The following UHMK1 variants were observed in gnomAD, a reference collection of about 807,000 sequenced individuals.
UHMK1 encodes serine/threonine-protein kinase Kist.
In UHMK1, 18 loss-of-function variants were observed where a neutral mutation model predicts 44.0. The ratio of observed to expected loss-of-function variants is 0.41; its 90% CI spans 0.28 to 0.61. The LOEUF is 0.61. Among genes scored for constraint, UHMK1 ranks in the 20% least tolerant of loss-of-function variants. UHMK1 has a pLI of 0.31. For synonymous variants in UHMK1, 231 were observed against 198.5 expected, an observed-to-expected ratio of 1.16 and a Z score of -1.38; for missense variants, 463 against 522.5, an observed-to-expected ratio of 0.89 and a Z score of 1.11.
intron 6 of UHMK1, among the ~76,000 whole-genome samples, chr1:162,514,822 T>C (rs912155780): frequency 6.6e-6 from 1 of 152,224 alleles, no homozygotes; most frequent in Non-Finnish European, 1.5e-5. Context: ...GAATACCTCC[T>C]GTACTCACTG....
rs1652265359 is a variant in UHMK1, at chr1:162,526,755, A to G, written c.*4205A>G. ...TGTAAAACTATTCATATTTGATTTT[A>G]TTCCAATATTATATATGATGGAAAA... is the stretch of plus-strand genomic sequence containing the variant. On this transcript the variant is annotated 3_prime_UTR_variant, in exon 8 of 8. Transcript: ENST00000489294. 1.3e-5 allele frequency: 2 copies of G among 152,086 alleles called. No homozygotes were observed. 9.4% of individuals were successfully genotyped at this position (152,086 alleles called of 1,614,324 possible).
chr1:162,506,003 T>C (rs1042750453), intron 4 of UHMK1, among the ~76,000 whole-genome samples: 1 of 152,156 alleles, frequency 6.6e-6, no homozygotes, highest in Non-Finnish European at 1.5e-5. Context: ...ATCCACATGA[T>C]TTATTCCTAT....
chr1:162,504,290 T>C (rs1651386426), intron 4 of UHMK1, among the ~76,000 whole-genome samples: 1 of 152,246 alleles, frequency 6.6e-6, no homozygotes, highest in Non-Finnish European at 1.5e-5. Context: ...TTCTGATATC[T>C]GAATAGATCC....
At chr1:162,498,342 G>T in intron 1 of UHMK1, 74 bp downstream of exon 1, 1 of 1,493,226 alleles carries the variant, frequency 6.7e-7, no homozygotes, top group Non-Finnish European at 9.0e-7. Context: ...GCTGTCTGGC[G>T]TTCCATCTTC....
At position 162,505,978 on chromosome 1, in the gene UHMK1, A is replaced by G. The variant is rs374109532; in HGVS notation, c.848+2130A>G. On this transcript the variant is annotated intron_variant, in intron 4 of 7. Coordinates refer to ENST00000489294, the MANE Select transcript of UHMK1 (RefSeq NM_175866.5). ...GTATATACAGTATCAAAACCAGTAA[A>G]TTGAAATAGGTATAATCCACATGAT... is the stretch of plus-strand genomic sequence containing the variant. Among the ~76,000 whole-genome samples the G allele has an allele frequency of 2.0e-5, 3 of 152,226 alleles. No individual in the cohort carries two copies. In the East Asian group the frequency reaches 5.8e-4, roughly 29 times the overall value.
At chr1:162,504,511 G>A (rs905881441) in intron 4 of UHMK1, among the ~76,000 whole-genome samples, 1 of 152,132 alleles carries the variant, frequency 6.6e-6, no homozygotes, top group Non-Finnish European at 1.5e-5. Flanking sequence ...GCGTGTTACT[G>A]TACCAAATAC....
intron 3 of UHMK1, 141 bp downstream of exon 3, chr1:162,501,245 C>T (rs910788811): frequency 3.8e-6 from 3 of 782,808 alleles, no homozygotes; most frequent in African/African-American, 3.5e-5. Flanking sequence ...TCTCAGCTCA[C>T]TGCAACCTCC....
intron 3 of UHMK1, 66 bp downstream of exon 3, chr1:162,501,170 G>T: frequency 3.8e-6 from 5 of 1,303,802 alleles, no homozygotes; most frequent in Admixed American, 2.5e-5. Flanking sequence ...AATTTATGAT[G>T]ATTTTTTTTT....
At chr1:162,520,204 C>T (rs796112947) in intron 7 of UHMK1, among the ~76,000 whole-genome samples, 59 of 152,292 alleles carry the variant, frequency 3.9e-4, no homozygotes, top group African/African-American at 1.3e-3. Flanking sequence ...ATAATTTTAT[C>T]TTAATAGCTT....
intron 3 of UHMK1, 141 bp from the exon 4 acceptor site, chr1:162,503,611 CAA>C (rs33964112): frequency 0.34 from 121,974 of 354,634 alleles, 9,403 homozygotes; most frequent in Admixed American, 0.4. Context: ...ACCCTGTCTC[CAA>C]AAAAAAAAAA....
At position 162,524,104 on chromosome 1, in the gene UHMK1, A is replaced by AT; in HGVS notation, c.*1560dup. 6.6e-6 allele frequency: 1 copy of AT among 151,510 alleles called. No individual in the cohort carries two copies. Among genetic ancestry groups the AT allele is most frequent in the East Asian group, 1.9e-4 (1 of 5,184 alleles). The allele number at this position is 151,510 out of a possible 1,614,324, so 9.4% of individuals were successfully genotyped here. Reference sequence around the variant, plus strand: ...AGGTTATTAATTTTTTTATTTATTTATTTTTTCCTAAGGAAAAAGTCTTCT... The same window carrying AT: ...AGGTTATTAATTTTTTTATTTATTTATTTTTTTCCTAAGGAAAAAGTCTTCT... On this transcript the variant is annotated 3_prime_UTR_variant, in exon 8 of 8. Transcript: ENST00000489294.
intron 1 of UHMK1, among the ~76,000 whole-genome samples, chr1:162,499,639 C>G (rs1433703563): frequency 1.3e-5 from 2 of 151,970 alleles, no homozygotes; most frequent in African/African-American, 2.4e-5. Context: ...AGGTTTTTTA[C>G]TTTTAATCAT....
At chr1:162,517,961 T>C in intron 6 of UHMK1, 141 bp from the exon 7 acceptor site, 1 of 579,630 alleles carries the variant, frequency 1.7e-6, no homozygotes, top group Non-Finnish European at 3.1e-6. Context: ...TTTGAATCAT[T>C]TGAATGTCAA....
At position 162,525,512 on chromosome 1, in the gene UHMK1, C is replaced by A. The variant is rs1199840040; in HGVS notation, c.*2962C>A. On this transcript the variant is annotated 3_prime_UTR_variant, in exon 8 of 8. Coordinates refer to ENST00000489294, the MANE Select transcript of UHMK1 (RefSeq NM_175866.5). ...ATTATTTTGTGGGAAATACTTGATTCTTTTGAAATATATTTGGAGGGGGTA... is the reference window on the plus strand; with the variant it reads ...ATTATTTTGTGGGAAATACTTGATTATTTTGAAATATATTTGGAGGGGGTA... 2.0e-5 allele frequency: 3 copies of A among 152,160 alleles called. No homozygotes were observed. The highest frequency in any genetic ancestry group is 4.4e-5 in the Non-Finnish European group (3 of 68,020). The allele number at this position is 152,160 out of a possible 1,614,324, so 9.4% of individuals were successfully genotyped here.
intron 4 of UHMK1, among the ~76,000 whole-genome samples, chr1:162,508,403 C>T (rs775214898): frequency 2.2e-4 from 33 of 151,986 alleles, no homozygotes; most frequent in Non-Finnish European, 3.7e-4. Context: ...TGAGCCACCA[C>T]GCCTGGCCAT....
chr1:162,508,122 C>T (rs1332792813), intron 4 of UHMK1, among the ~76,000 whole-genome samples: 3 of 151,546 alleles, frequency 2.0e-5, no homozygotes, highest in Non-Finnish European at 2.9e-5. Flanking sequence ...GAGTTTTTTG[C>T]AGGGGGAGGA....
chr1:162,503,676 C>A, intron 3 of UHMK1, 78 bp from the exon 4 acceptor site: 1 of 877,550 alleles, frequency 1.1e-6, no homozygotes, highest in Non-Finnish European at 1.8e-6. Flanking sequence ...GCATTTTACT[C>A]TCAAATAGTG....
Position 162,522,660 on chromosome 1 carries a change from T to C in UHMK1, c.*110T>C, listed in dbSNP as rs902564078. The C allele has an allele frequency of 8.2e-7, 1 of 1,226,160 alleles. No homozygotes were observed. The allele number at this position is 1,226,160 out of a possible 1,614,324, so 76.0% of individuals were successfully genotyped here. A position where few individuals can be genotyped will look rare whatever the true frequency, so the allele number is the denominator to read the frequency against. On this transcript the variant is annotated 3_prime_UTR_variant, in exon 8 of 8. Transcript: ENST00000489294. ...ATTTTAAGAAGGTACTTTATACATT[T>C]ATTTAATCCTACTAATGTGCAGCCA... is the stretch of plus-strand genomic sequence containing the variant.
rs1410754896 is a variant in UHMK1, at chr1:162,528,183, A to T, written c.*5633A>T. ...AGTTCTTTAGTTATTTGAATTATAT[A>T]TAGCTATATTATTTTATTAGCTTGG... On this transcript the variant is annotated 3_prime_UTR_variant, in exon 8 of 8. Coordinates refer to ENST00000489294, the MANE Select transcript of UHMK1 (RefSeq NM_175866.5). 2 of 152,210 alleles carry T rather than the reference A, an allele frequency of 1.3e-5. No homozygotes were observed. The highest frequency in any genetic ancestry group is 2.1e-4 in the South Asian group (1 of 4,834). The allele number at this position is 152,210 out of a possible 1,614,324, so 9.4% of individuals were successfully genotyped here.
Sources: gnomAD v4.1 joint callset for allele counts (sites outside exome capture counted in the v4.1 genomes callset) on GRCh38, gnomAD v4.1.1 for gene constraint, MANE v1.5 for transcripts, NCBI Gene and HGNC (gene_info 2026-07-23, HGNC 2026-07-21) for gene names.